Variants in PROCA1 observed in about 807,000 individuals in gnomAD.
PROCA1 encodes protein interacting with cyclin A1.
A neutral mutation model predicts 23.2 loss-of-function variants in PROCA1; 22 were observed. The observed-to-expected ratio is 0.95, with a 90% CI of 0.68 to 1.35. The LOEUF (loss-of-function observed/expected upper bound fraction) is 1.35, where lower values mean the gene tolerates loss of function less well. Ranked by LOEUF, PROCA1 falls within the 40% of genes most tolerant of loss-of-function variation. The pLI is 0.00. For synonymous variants in PROCA1, 182 were observed against 179.2 expected, an observed-to-expected ratio of 1.02 and a Z score of -0.12; for missense variants, 469 against 459.8, an observed-to-expected ratio of 1.02 and a Z score of -0.18.
chr17:28,711,737 T>C lies in PROCA1; in HGVS notation c.-77A>G, dbSNP rs1042757938. 2 of 1,345,654 alleles carry C rather than the reference T, an allele frequency of 1.5e-6. No individual in the cohort carries two copies. Among genetic ancestry groups the C allele is most frequent in the Non-Finnish European group, 1.0e-6 (1 of 987,636 alleles). 83.4% of individuals were successfully genotyped at this position (1,345,654 alleles called of 1,614,324 possible). ...CCTGAGCCTCAGCCCGGCCGAGCCC[T>C]CGGCCCAGCCGTGAACTCCAGTCTC... On this transcript the variant is annotated 5_prime_UTR_variant, in exon 1 of 5. Coordinates refer to ENST00000682792, the MANE Select transcript of PROCA1 (RefSeq NM_001366301.1).
At position 28,706,664 on chromosome 17, in the gene PROCA1, G is replaced by A; in HGVS notation, c.175+16C>T. The A allele has an allele frequency of 7.7e-7, 1 of 1,302,446 alleles. No individual in the cohort carries two copies. The highest frequency in any genetic ancestry group is 1.0e-6 in the Non-Finnish European group (1 of 987,788). 80.7% of individuals were successfully genotyped at this position (1,302,446 alleles called of 1,614,324 possible). On this transcript the variant is annotated intron_variant, in intron 2 of 4. Coordinates refer to ENST00000682792, the MANE Select transcript of PROCA1 (RefSeq NM_001366301.1). ...GGTGATGAGGATCCCCTGGGTCAAA[G>A]GTCTCCTGGACCCACCTTCAGAGAA... is the stretch of plus-strand genomic sequence containing the variant.
chr17:28,708,745 A>C lies in PROCA1; in HGVS notation c.92-1982T>G, dbSNP rs564721110. Among the ~76,000 whole-genome samples the C allele has an allele frequency of 1.4e-3, 205 of 150,330 alleles. 10 individuals carry two copies. In the South Asian group the frequency reaches 0.039, roughly 28 times the overall value. On this transcript the variant is annotated intron_variant, in intron 1 of 4. Coordinates refer to ENST00000682792, the MANE Select transcript of PROCA1 (RefSeq NM_001366301.1). ...TCCAGAAAAAGGAAAAAAAAAAAAA[A>C]ACGACATTTTGGGAGTCTGAGGCGG...
intron 1 of PROCA1, 68 bp downstream of exon 1, chr17:28,711,502 G>T (rs2032783198): frequency 1.5e-6 from 2 of 1,350,534 alleles, no homozygotes; most frequent in East Asian, 5.0e-5. Flanking sequence ...CCGGCTTCCC[G>T]CGTGCGCCGC....
chr17:28,703,755 G>C lies in PROCA1; in HGVS notation c.898C>G (p.Arg300Gly), dbSNP rs771980693. 1 of 1,614,066 alleles carries C rather than the reference G, an allele frequency of 6.2e-7. No individual in the cohort carries two copies. The highest frequency in any genetic ancestry group is 8.5e-7 in the Non-Finnish European group (1 of 1,180,024). Residue 300 changes from arginine to glycine, a missense_variant, in exon 5 of 5, where the codon CGG (arginine) becomes GGG (glycine). Transcript: ENST00000682792. ...CTGTCCTCGCTCTCCAGCTCTTCCC[G>C]GCTTTCTGGGCTGGACTCGGACATC... is the stretch of plus-strand genomic sequence containing the variant. Reference protein sequence around the residue: ...ARMSESSPESREELESEDSYN... With the variant: ...ARMSESSPESGEELESEDSYN...
At chr17:28,711,283 CCGAG>C (rs2032769253) in intron 1 of PROCA1, 2 of 611,856 alleles carry the variant, frequency 3.3e-6, no homozygotes, top group Middle Eastern at 5.1e-4. Context: ...AGTCCGATAG[CCGAG>C]CGTTCCAGCT....
intron 3 of PROCA1, 108 bp downstream of exon 3, chr17:28,704,600 G>A: frequency 6.4e-7 from 1 of 1,568,452 alleles, no homozygotes; most frequent in Non-Finnish European, 8.6e-7. Context: ...GACTGGGCTG[G>A]CAGCACCAAT....
At chr17:28,706,650 T>A in intron 2 of PROCA1, 30 bp downstream of exon 2, 5 of 1,287,258 alleles carry the variant, frequency 3.9e-6, no homozygotes, top group Non-Finnish European at 5.1e-6. Flanking sequence ...GTGATGAGGA[T>A]CCCCTGGGTC....
intron 1 of PROCA1, among the ~76,000 whole-genome samples, chr17:28,708,216 G>A (rs1395662556): frequency 3.9e-5 from 6 of 152,112 alleles, no homozygotes; most frequent in African/African-American, 9.7e-5. Flanking sequence ...CACCATGTTG[G>A]ACAGGCTGGT....
intron 1 of PROCA1, chr17:28,707,800 G>A (rs1220042229): frequency 6.6e-6 from 1 of 152,176 alleles, no homozygotes; most frequent in African/African-American, 2.4e-5. Flanking sequence ...TATGTTGGGT[G>A]GCTTCCCTCG....
chr17:28,707,023 T>A (rs538357647), intron 1 of PROCA1: 1 of 340,988 alleles, frequency 2.9e-6, no homozygotes, highest in East Asian at 7.7e-5. Context: ...AGGGAAAGGG[T>A]AGCACAGGAC....
In PROCA1 at chr17:28,704,052, C is replaced by A; in HGVS notation, c.601G>T (p.Gly201Cys). Residue 201 changes from glycine to cysteine, a missense_variant, in exon 5 of 5, where the codon GGC (glycine) becomes TGC (cysteine). By Grantham distance (159) the Gly-to-Cys change is radical. Transcript: ENST00000682792. The stretch of plus-strand genomic sequence containing the variant: ...GGGGTACCAGTGGCCATGCTGGTGC[C>A]TAGGTCAGGGGAGGCGGTGGCGGGC... ...VGPATASPDL[G>C]TSMATGTPDS... 1 of 1,609,626 alleles carries A rather than the reference C, an allele frequency of 6.2e-7. No homozygotes were observed. The highest frequency in any genetic ancestry group is 8.5e-7 in the Non-Finnish European group (1 of 1,178,572).
At chr17:28,706,940 T>TGGGGGGGGGGGGGGGGGGGGGGGGG (rs1567716248) in intron 1 of PROCA1, 177 bp from the exon 2 acceptor site, 4 of 190 alleles carry the variant, frequency 0.021, 2 homozygotes, top group African/African-American at 0.048. Context: ...GGTGGGGCTA[T>TGGGGGGGGGGGGGGGGGGGGGGGGG]GAGGGGGAGG....
chr17:28,705,135 C>G (rs1009317000), intron 2 of PROCA1: 9 of 325,038 alleles, frequency 2.8e-5, no homozygotes, highest in Admixed American at 9.2e-5. Flanking sequence ...TCCTGCCTGC[C>G]CCTCAACCAG....
rs770184428 is a variant in PROCA1, at chr17:28,704,364, G to A, written c.383C>T (p.Ser128Phe). ...CTCCGGTGTGAGCTCAAAGCAAGGG[G>A]ACTCGATGACATGGGAGCAGGTTGG... is the stretch of plus-strand genomic sequence containing the variant. ...AGPTCSHVIE[S>F]PCFELTPEEE... is the part of the protein sequence containing the mutation. Residue 128 changes from serine (S) to phenylalanine (F), a missense_variant, in exon 4 of 5, where the codon TCC becomes TTC. Physicochemically the swap from Ser to Phe is radical, Grantham distance 155. Transcript: ENST00000682792. 6.2e-7 allele frequency: 1 copy of A among 1,614,140 alleles called. No individual in the cohort carries two copies. Among genetic ancestry groups the A allele is most frequent in the Non-Finnish European group, 8.5e-7 (1 of 1,180,014 alleles).
At chr17:28,707,154 T>C (rs1263428036) in intron 1 of PROCA1, 1 of 239,486 alleles carries the variant, frequency 4.2e-6, no homozygotes, top group African/African-American at 2.2e-5. Flanking sequence ...GAGGGACAGC[T>C]CCAGAAACTG....
In PROCA1 at chr17:28,703,381, C is replaced by T; in HGVS notation, c.*177G>A. 1 of 652,960 alleles carries T rather than the reference C, an allele frequency of 1.5e-6. No individual in the cohort carries two copies. Among genetic ancestry groups the T allele is most frequent in the Non-Finnish European group, 2.6e-6 (1 of 380,390 alleles). 40.4% of individuals were successfully genotyped at this position (652,960 alleles called of 1,614,324 possible). A position where few individuals can be genotyped will look rare whatever the true frequency, so the allele number is the denominator to read the frequency against. On this transcript the variant is annotated 3_prime_UTR_variant, in exon 5 of 5. Transcript: ENST00000682792. ...TAGGGCTGTGCCCCTTCCTTTCCCT[C>T]CCACCTGCCTTCCCATGGGCTTCCT...
chr17:28,711,476 C>G, intron 1 of PROCA1, 94 bp downstream of exon 1: 1 of 1,054,698 alleles, frequency 9.5e-7, no homozygotes, highest in Non-Finnish European at 1.3e-6. Context: ...GTTTGCCCGT[C>G]TCCCTCGTCG....
In PROCA1 at chr17:28,710,973, TAGGGTGGGA is replaced by T. The variant is rs1293560452; in HGVS notation, c.91+588_91+596del. ...TGGGCACCAGAGCAGCCGAAAGGAGTAGGGTGGGAAGGGAGGGAAGGAGTAGGGCGGGAA... is the reference window on the plus strand; with the variant it reads ...TGGGCACCAGAGCAGCCGAAAGGAGTAGGGAGGGAAGGAGTAGGGCGGGAA... On this transcript the variant is annotated intron_variant, in intron 1 of 4. Transcript: ENST00000682792. 113 of 1,119,220 alleles carry T rather than the reference TAGGGTGGGA, an allele frequency of 1.0e-4. 1 individual carries two copies. In the South Asian group the frequency reaches 1.7e-3, roughly 17 times the overall value. 69.3% of individuals were successfully genotyped at this position (1,119,220 alleles called of 1,614,324 possible). A position where few individuals can be genotyped will look rare whatever the true frequency, so the allele number is the denominator to read the frequency against.
At chr17:28,706,145 C>T (rs1403379491) in intron 2 of PROCA1, 1 of 156,902 alleles carries the variant, frequency 6.4e-6, no homozygotes, top group Admixed American at 6.1e-5. Context: ...CTGTGTCTCT[C>T]TCCTCCCCTC....
Sources: allele counts gnomAD v4.1 joint callset (sites outside exome capture counted in the v4.1 genomes callset), GRCh38; gene constraint gnomAD v4.1.1; transcripts MANE v1.5; gene names NCBI Gene and HGNC (gene_info 2026-07-23, HGNC 2026-07-21).